GPR26: variants seen among roughly 807,000 people sequenced by gnomAD.
The protein encoded by GPR26 is G protein-coupled receptor 26.
A neutral mutation model predicts 23.1 loss-of-function variants in GPR26; 15 were observed. The ratio of observed to expected loss-of-function variants is 0.65; its 90% confidence interval spans 0.43 to 1.00. The LOEUF (loss-of-function observed/expected upper bound fraction) is 1.00, where lower values mean the gene tolerates loss of function less well. Ranked by LOEUF, GPR26 falls within the 50% of genes least tolerant of loss-of-function variation. GPR26 has a pLI of 0.00. For synonymous variants in GPR26, 228 were observed against 222.1 expected (o/e 1.03, Z -0.24); for missense variants, 359 against 470.5 (o/e 0.76, Z 2.19).
chr10:123,666,734 C>T lies in GPR26; in HGVS notation c.327C>T (p.Val109=), dbSNP rs1845188586. The part of the protein sequence containing the change: ...ALSIDRWVAV[V]FPLSYRAKMR... ...GCATCGACCGCTGGGTGGCCGTGGTCTTCCCGCTGAGCTACCGGGCCAAGA... is the reference window on the plus strand; with the variant it reads ...GCATCGACCGCTGGGTGGCCGTGGTTTTCCCGCTGAGCTACCGGGCCAAGA... Residue 109 remains valine, a synonymous_variant, in exon 1 of 3, where the codon GTC becomes GTT. Coordinates refer to ENST00000284674, the MANE Select transcript of GPR26 (RefSeq NM_153442.4). 6 of 1,598,532 alleles carry T rather than the reference C, an allele frequency of 3.8e-6. No homozygotes were observed. Among genetic ancestry groups the T allele is most frequent in the Middle Eastern group, 1.7e-4 (1 of 6,042 alleles).
chr10:123,676,722 G>T (rs144908693), intron 2 of GPR26, among the ~76,000 whole-genome samples: 2 of 152,330 alleles, frequency 1.3e-5, no homozygotes, highest in Admixed American at 6.5e-5. Context: ...GCGTGGCAGA[G>T]GACTTAGCAG....
Position 123,693,114 on chromosome 10 carries a change from G to A in GPR26, c.*4954G>A, listed in dbSNP as rs148861040. ...CACCCATACCCACCAGCTGGGCGTT[G>A]GGACCTCTCCCGTCATATGGCTGCC... On this transcript the variant is annotated 3_prime_UTR_variant, in exon 3 of 3. Transcript: ENST00000284674. 16 of 152,266 alleles carry A rather than the reference G, an allele frequency of 1.1e-4. No homozygotes were observed. The highest frequency in any genetic ancestry group is 3.8e-4 in the African/African-American group (16 of 41,564). The allele number at this position is 152,266 out of a possible 1,614,324, so 9.4% of individuals were successfully genotyped here. A position where few individuals can be genotyped will look rare whatever the true frequency, so the allele number is the denominator to read the frequency against.
rs1663913269 is a variant in GPR26 at position 123,692,294 on chromosome 10, G to A, written c.*4134G>A. On this transcript the variant is annotated 3_prime_UTR_variant, in exon 3 of 3. Coordinates refer to ENST00000284674, the MANE Select transcript of GPR26 (RefSeq NM_153442.4). ...CTACTGGGGCAGCCTGGCTGTGGGA[G>A]GTGATGACATCTGCCACCTCTGCCA... The A allele has an allele frequency of 6.6e-6, 1 of 152,266 alleles. No homozygotes were observed. The highest frequency in any genetic ancestry group is 2.4e-5 in the African/African-American group (1 of 41,452). 9.4% of individuals were successfully genotyped at this position (152,266 alleles called of 1,614,324 possible).
intron 1 of GPR26, among the ~76,000 whole-genome samples, chr10:123,667,561 C>CTCTGTG (rs1175317398): frequency 7.9e-4 from 99 of 125,084 alleles, no homozygotes; most frequent in African/African-American, 2.9e-3. Flanking sequence ...TGTCTCACGA[C>CTCTGTG]TGTGTGTGTG....
intron 2 of GPR26, among the ~76,000 whole-genome samples, chr10:123,680,807 TTTGTTTTG>T (rs369343716): frequency 1.1e-4 from 12 of 107,548 alleles, no homozygotes; most frequent in East Asian, 4.6e-4. Context: ...TTGGGTTTTT[TTTGTTTTG>T]TTTTGTTTTT....
chr10:123,690,509 T>G lies in GPR26; in HGVS notation c.*2349T>G, dbSNP rs1221240928. ...CCTCTTCTTTAGCCAAGAAGCAAGA[T>G]CTGTCACCCACAACACCACATATCT... On this transcript the variant is annotated 3_prime_UTR_variant, in exon 3 of 3. Transcript: ENST00000284674. 6.6e-6 allele frequency: 1 copy of G among 152,200 alleles called. No individual in the cohort carries two copies. The highest frequency in any genetic ancestry group is 2.4e-5 in the African/African-American group (1 of 41,446). The allele number at this position is 152,200 out of a possible 1,614,324, so 9.4% of individuals were successfully genotyped here.
chr10:123,672,384 T>C (rs770307982), intron 1 of GPR26, among the ~76,000 whole-genome samples: 7 of 152,164 alleles, frequency 4.6e-5, no homozygotes, highest in Admixed American at 1.3e-4. Flanking sequence ...CATGTGGATG[T>C]GAACCCCAGG....
intron 2 of GPR26, among the ~76,000 whole-genome samples, chr10:123,685,776 T>G (rs1374300192): frequency 2.0e-5 from 3 of 152,240 alleles, no homozygotes; most frequent in Non-Finnish European, 4.4e-5. Flanking sequence ...TAGCCAGGAC[T>G]TGGACTGCAG....
At chr10:123,685,202 G>A (rs367800683) in intron 2 of GPR26, among the ~76,000 whole-genome samples, 1 of 152,230 alleles carries the variant, frequency 6.6e-6, no homozygotes, top group African/African-American at 2.4e-5. Flanking sequence ...GCACAAGGAA[G>A]GGGTGAGCAG....
At chr10:123,673,666 T>A (rs1845275246) in intron 1 of GPR26, among the ~76,000 whole-genome samples, 1 of 152,082 alleles carries the variant, frequency 6.6e-6, no homozygotes, top group East Asian at 1.9e-4. Flanking sequence ...ACCAAGTGAC[T>A]CCTTCAATGA....
intron 2 of GPR26, among the ~76,000 whole-genome samples, chr10:123,683,379 G>A (rs1845399394): frequency 6.6e-6 from 1 of 152,268 alleles, no homozygotes; most frequent in Non-Finnish European, 1.5e-5. Flanking sequence ...CTGTGAAGCA[G>A]TTAAGGAGAC....
At chr10:123,677,988 T>C (rs905252659) in intron 2 of GPR26, among the ~76,000 whole-genome samples, 4 of 152,172 alleles carry the variant, frequency 2.6e-5, no homozygotes, top group African/African-American at 9.7e-5. Flanking sequence ...CTGACACCTG[T>C]CATCCCAGGG....
In GPR26 at chr10:123,674,673, T is replaced by C. The variant is rs886074184; in HGVS notation, c.669-145T>C. Reference sequence around the variant, plus strand: ...ACACTGCTTGCCCAAGGTCAATAGCTACAGCCAAGAGTTGACGCTGGGTCT... The same window carrying C: ...ACACTGCTTGCCCAAGGTCAATAGCCACAGCCAAGAGTTGACGCTGGGTCT... On this transcript the variant is annotated intron_variant, in intron 1 of 2. Coordinates refer to ENST00000284674, the MANE Select transcript of GPR26 (RefSeq NM_153442.4). The surrounding 1 kb of genome is among the most constrained non-coding windows in gnomAD (Gnocchi z 4.1). 1.7e-6 allele frequency: 1 copy of C among 580,596 alleles called. No individual in the cohort carries two copies. Among genetic ancestry groups the C allele is most frequent in the East Asian group, 2.9e-5 (1 of 35,026 alleles). The allele number at this position is 580,596 out of a possible 1,614,324, so 36.0% of individuals were successfully genotyped here.
rs1291468919 is a variant in GPR26 at position 123,674,749 on chromosome 10, T to G, written c.669-69T>G. 2 of 980,184 alleles carry G rather than the reference T, an allele frequency of 2.0e-6. No individual in the cohort carries two copies. The highest frequency in any genetic ancestry group is 3.9e-5 in the Admixed American group (2 of 51,134). 60.7% of individuals were successfully genotyped at this position (980,184 alleles called of 1,614,324 possible). A position where few individuals can be genotyped will look rare whatever the true frequency, so the allele number is the denominator to read the frequency against. ...CACTAGAGACTGCTGCCTGTGTTAG[T>G]AAATAGTGCCTCATCCTGACCTAGC... On this transcript the variant is annotated intron_variant, in intron 1 of 2. Transcript: ENST00000284674. This position sits in a 1 kb window ranked among gnomAD's most constrained non-coding sequence, Gnocchi z 4.1.
chr10:123,672,094 G>A (rs1003067341), intron 1 of GPR26, among the ~76,000 whole-genome samples: 1 of 152,164 alleles, frequency 6.6e-6, no homozygotes, highest in African/African-American at 2.4e-5. Flanking sequence ...CTGGAAAGCA[G>A]GAGAGCCCCA....
intron 2 of GPR26, among the ~76,000 whole-genome samples, chr10:123,687,277 C>A (rs552393248): frequency 6.6e-6 from 1 of 152,312 alleles, no homozygotes; most frequent in East Asian, 1.9e-4. Flanking sequence ...TTGAGCTTTG[C>A]AAAATGTTTT....
chr10:123,677,532 A>T (rs1277842323), intron 2 of GPR26, among the ~76,000 whole-genome samples: 1 of 152,234 alleles, frequency 6.6e-6, no homozygotes, highest in East Asian at 1.9e-4. Flanking sequence ...ATTCCAGGCC[A>T]GCACATCTCT....
In GPR26 at chr10:123,674,913, C is replaced by T. The variant is rs760776741; in HGVS notation, c.764C>T (p.Ala255Val). ...ATAGGGACCTTCCTTGTGTGCTTCGCGCCCTATGTGATCACCAGGTGAGCC... is the reference window on the plus strand; with the variant it reads ...ATAGGGACCTTCCTTGTGTGCTTCGTGCCCTATGTGATCACCAGGTGAGCC... ...TFIGTFLVCF[A>V]PYVITRLVEL... The change falls in exon 2 of 3, where the codon GCG becomes GTG. Residue 255 changes from alanine to valine, a missense_variant. By Grantham distance (64) the Ala-to-Val change is moderately conservative. Coordinates refer to ENST00000284674, the MANE Select transcript of GPR26 (RefSeq NM_153442.4). The surrounding 1 kb of genome is among the most constrained non-coding windows in gnomAD (Gnocchi z 4.1). The T allele has an allele frequency of 2.5e-5, 41 of 1,609,724 alleles. No homozygotes were observed. The highest frequency in any genetic ancestry group is 1.2e-4 in the Admixed American group (7 of 59,946).
At chr10:123,679,342 G>A (rs1025946852) in intron 2 of GPR26, among the ~76,000 whole-genome samples, 9 of 152,190 alleles carry the variant, frequency 5.9e-5, no homozygotes, top group African/African-American at 2.2e-4. Flanking sequence ...GGGATTAGCG[G>A]GAAAGTGGTA....
Sources: allele counts gnomAD v4.1 joint callset (sites outside exome capture counted in the v4.1 genomes callset), GRCh38; gene constraint gnomAD v4.1.1; non-coding constraint Gnocchi (gnomAD v3.1); transcripts MANE v1.5; gene names NCBI Gene and HGNC (gene_info 2026-07-23, HGNC 2026-07-21).